The following ASTN1 variants were observed in gnomAD, a reference collection of about 807,000 sequenced individuals.
ASTN1 encodes the protein astrotactin-1.
In ASTN1, 41 loss-of-function variants were observed where a neutral mutation model predicts 140.7. The ratio of observed to expected loss-of-function variants is 0.29; its 90% CI spans 0.23 to 0.38. The LOEUF (loss-of-function observed/expected upper bound fraction) is 0.38. Ranked by LOEUF, ASTN1 falls within the 10% of genes least tolerant of loss-of-function variation. ASTN1 has a pLI of 1.00. For synonymous variants in ASTN1, 640 were observed against 652.2 expected (o/e 0.98, Z 0.29); for missense variants, 1,479 against 1,678.8 (o/e 0.88, Z 2.08).
At chr1:177,087,407 T>C (rs1679528254) in intron 1 of ASTN1, among the ~76,000 whole-genome samples, 1 of 152,178 alleles carries the variant, frequency 6.6e-6, no homozygotes, top group South Asian at 2.1e-4. Context: ...TAACAGTACC[T>C]GTGATGCTGA....
At chr1:176,901,149 A>G (rs1669749070) in intron 16 of ASTN1, among the ~76,000 whole-genome samples, 1 of 152,222 alleles carries the variant, frequency 6.6e-6, no homozygotes, top group Non-Finnish European at 1.5e-5. Flanking sequence ...GAGGGGCATC[A>G]ATCCAGAGTG....
At chr1:177,092,567 C>T (rs577620807) in intron 1 of ASTN1, among the ~76,000 whole-genome samples, 3 of 152,100 alleles carry the variant, frequency 2.0e-5, no homozygotes, top group Non-Finnish European at 4.4e-5. Flanking sequence ...ATTTAAGATC[C>T]ATTGCTTAAT....
intron 8 of ASTN1, among the ~76,000 whole-genome samples, chr1:177,000,776 T>A (rs757956793): frequency 6.6e-6 from 1 of 152,216 alleles, no homozygotes. Flanking sequence ...ATTACAATGA[T>A]GGAATGAGTT....
intron 1 of ASTN1, among the ~76,000 whole-genome samples, chr1:177,095,462 C>T (rs1217113151): frequency 6.6e-6 from 1 of 152,148 alleles, no homozygotes; most frequent in African/African-American, 2.4e-5. Flanking sequence ...GAGGGAAGAA[C>T]AATTTCAAGG....
At chr1:176,970,390 C>G (rs1413106709) in intron 8 of ASTN1, among the ~76,000 whole-genome samples, 1 of 152,212 alleles carries the variant, frequency 6.6e-6, no homozygotes, top group African/African-American at 2.4e-5. Flanking sequence ...CTACTCTTGC[C>G]TTAACAAGGG....
rs1553231482 is a variant in ASTN1 at position 176,942,820 on chromosome 1, G to GTGTATA, written c.2377+1070_2377+1071insTATACA. Among the ~76,000 whole-genome samples, 27 of 25,306 alleles carry GTGTATA rather than the reference G, an allele frequency of 1.1e-3. 2 individuals are homozygous for GTGTATA. Among genetic ancestry groups the GTGTATA allele is most frequent in the South Asian group, 3.5e-3 (2 of 570 alleles). 16.6% of individuals were successfully genotyped at this position (25,306 alleles called of 152,430 possible). On this transcript the variant is annotated intron_variant, in intron 14 of 22. Coordinates refer to ENST00000361833, the MANE Select transcript of ASTN1 (RefSeq NM_004319.3). ...CCAAACCAATGTACTTTGTGTGTGT[G>GTGTATA]TATATATATATATATGTATATATAT...
chr1:177,087,486 C>G (rs1475050065), intron 1 of ASTN1, among the ~76,000 whole-genome samples: 3 of 152,152 alleles, frequency 2.0e-5, no homozygotes, highest in Non-Finnish European at 4.4e-5. Context: ...TCAGCAAGAG[C>G]CTGAACATTA....
intron 1 of ASTN1, among the ~76,000 whole-genome samples, chr1:177,148,904 G>GT (rs939827189): frequency 6.6e-6 from 1 of 151,274 alleles, no homozygotes; most frequent in Non-Finnish European, 1.5e-5. Flanking sequence ...GGGTACACAA[G>GT]TAAGTAGAAG....
chr1:176,864,538 G>A lies in ASTN1; in HGVS notation c.3648-17C>T. 6.2e-7 allele frequency: 1 copy of A among 1,611,718 alleles called. No individual in the cohort carries two copies. Among genetic ancestry groups the A allele is most frequent in the Admixed American group, 1.7e-5 (1 of 59,934 alleles). On this transcript the variant is annotated splice_polypyrimidine_tract_variant and intron_variant, in intron 22 of 22. Transcript: ENST00000361833. ...CCAGCTTTCCTATGGATCAAGCACA[G>A]AGGATACTTAAGTTAGAAAGAAGAG...
chr1:177,018,697 G>A (rs1036016874), intron 7 of ASTN1, among the ~76,000 whole-genome samples: 2 of 152,192 alleles, frequency 1.3e-5, no homozygotes, highest in Non-Finnish European at 2.9e-5. Flanking sequence ...GCCAACAGCT[G>A]TCCATATGGC....
At chr1:176,869,243 TTTAC>T (rs977357461) in intron 21 of ASTN1, among the ~76,000 whole-genome samples, 1 of 152,108 alleles carries the variant, frequency 6.6e-6, no homozygotes, top group African/African-American at 2.4e-5. Flanking sequence ...TATATGCATG[TTTAC>T]TTATGTGTGT....
At chr1:176,870,542 C>T (rs1054637300) in intron 21 of ASTN1, among the ~76,000 whole-genome samples, 7 of 152,154 alleles carry the variant, frequency 4.6e-5, no homozygotes, top group African/African-American at 1.4e-4. Context: ...TAGCACAAGG[C>T]CAGACAATCT....
At chr1:177,062,249 TC>T (rs1168794126) in intron 1 of ASTN1, among the ~76,000 whole-genome samples, 2 of 152,094 alleles carry the variant, frequency 1.3e-5, no homozygotes, top group South Asian at 2.1e-4. Context: ...TTTTTTTTTT[TC>T]TTTTTTTTAA....
rs1256696821 is a variant in ASTN1, at chr1:176,863,260, GT to G, written c.*1023del. On this transcript the variant is annotated 3_prime_UTR_variant, in exon 23 of 23. Transcript: ENST00000361833. ...TTTAGCAAGGTGGGGATGAACAGAA[GT>G]TTTTTGTGATCAATAATAGCTTTAG... 12 of 985,778 alleles carry G rather than the reference GT, an allele frequency of 1.2e-5. No individual in the cohort carries two copies. Among genetic ancestry groups the G allele is most frequent in the Non-Finnish European group, 1.4e-5 (12 of 829,944 alleles). The allele number at this position is 985,778 out of a possible 1,614,324, so 61.1% of individuals were successfully genotyped here.
At chr1:176,945,820 T>C (rs1170697141) in intron 13 of ASTN1, 106 bp downstream of exon 13, 2 of 1,150,836 alleles carry the variant, frequency 1.7e-6, no homozygotes, top group South Asian at 1.7e-5. Context: ...TTTAGACATA[T>C]CATATTTACC....
rs180776002 is a variant in ASTN1, at chr1:177,153,237, C to G, written c.283+11157G>C. 1.5e-3 allele frequency among the ~76,000 whole-genome samples: 229 copies of G among 152,208 alleles called. 1 individual carries two copies. The highest frequency in any genetic ancestry group is 0.014 in the Admixed American group (207 of 15,272). Reference sequence around the variant, plus strand: ...TTAAGAAAAAAACAAATCTTGGCACCTCTGCTTCTTTCTCTTGTGATGATA... The same window carrying G: ...TTAAGAAAAAAACAAATCTTGGCACGTCTGCTTCTTTCTCTTGTGATGATA... On this transcript the variant is annotated intron_variant, in intron 1 of 22. Coordinates refer to ENST00000361833, the MANE Select transcript of ASTN1 (RefSeq NM_004319.3).
intron 21 of ASTN1, among the ~76,000 whole-genome samples, chr1:176,873,169 T>C (rs1392335978): frequency 6.6e-6 from 1 of 152,074 alleles, no homozygotes; most frequent in African/African-American, 2.4e-5. Context: ...AAAGAGCAAA[T>C]AAAGGGATGG....
rs1333588046 is a variant in ASTN1, at chr1:177,032,924, C to T, written c.472-75G>A. ...CCACAAAGAGTCACTGCTCCTTCTG[C>T]TACCACCATTCATCACTTATTTATG... is the stretch of plus-strand genomic sequence containing the variant. On this transcript the variant is annotated intron_variant, in intron 2 of 22. Coordinates refer to ENST00000361833, the MANE Select transcript of ASTN1 (RefSeq NM_004319.3). The T allele has an allele frequency of 5.6e-6, 8 of 1,438,194 alleles. No homozygotes were observed. The African/African-American group carries it at 8.5e-5, about 15-fold the overall frequency. The allele number at this position is 1,438,194 out of a possible 1,614,324, so 89.1% of individuals were successfully genotyped here. A position where few individuals can be genotyped will look rare whatever the true frequency, so the allele number is the denominator to read the frequency against.
chr1:177,030,761 A>T, intron 4 of ASTN1, 45 bp downstream of exon 4: 1 of 1,611,138 alleles, frequency 6.2e-7, no homozygotes, highest in South Asian at 1.1e-5. Context: ...GCCTCTACCA[A>T]TATGAAGGAA....
Sources: allele counts gnomAD v4.1 joint callset (sites outside exome capture counted in the v4.1 genomes callset), GRCh38; gene constraint gnomAD v4.1.1; transcripts MANE v1.5; gene names NCBI Gene and HGNC (gene_info 2026-07-23, HGNC 2026-07-21).